CAPZB: variants seen among roughly 807,000 people sequenced by gnomAD.
CAPZB encodes the protein capping actin protein of muscle Z-line subunit beta.
In CAPZB, 2 loss-of-function variants were observed where a neutral mutation model predicts 38.1. That is an observed-to-expected ratio of 0.05 (90% CI 0.02 to 0.17). CAPZB has a LOEUF of 0.17. Ranked by LOEUF, CAPZB falls within the 10% of genes least tolerant of loss-of-function variation. The pLI is 1.00. For missense variants in CAPZB, 161 were observed against 334.2 expected, an observed-to-expected ratio of 0.48 and a Z score of 4.04; for synonymous variants, 107 against 127.4, an observed-to-expected ratio of 0.84 and a Z score of 1.08.
chr1:19,384,990 C>CA (rs1440973637), intron 3 of CAPZB, among the ~76,000 whole-genome samples: 1 of 152,124 alleles, frequency 6.6e-6, no homozygotes, highest in East Asian at 1.9e-4. Context: ...ATCAGACACC[C>CA]AGGGCAGGGA....
chr1:19,466,884 G>C (rs1309810168), intron 1 of CAPZB, among the ~76,000 whole-genome samples: 1 of 152,156 alleles, frequency 6.6e-6, no homozygotes, highest in East Asian at 1.9e-4. Flanking sequence ...AGATAGCGGT[G>C]TTAGGCTCAG....
At chr1:19,416,874 A>C (rs1179372153) in intron 2 of CAPZB, among the ~76,000 whole-genome samples, 1 of 149,562 alleles carries the variant, frequency 6.7e-6, no homozygotes, top group Non-Finnish European at 1.5e-5. Context: ...AAAAAAAAAA[A>C]AAAAAAAAAA....
intron 1 of CAPZB, among the ~76,000 whole-genome samples, chr1:19,440,491 G>A (rs200616647): frequency 1.1e-4 from 16 of 152,246 alleles, no homozygotes; most frequent in Admixed American, 6.5e-4. Context: ...TTTCCTCACC[G>A]TGAAAAGGTG....
chr1:19,426,409 C>A (rs1163600485), intron 1 of CAPZB, among the ~76,000 whole-genome samples: 1 of 150,850 alleles, frequency 6.6e-6, no homozygotes, highest in Non-Finnish European at 1.5e-5. Flanking sequence ...CCTCTTGCAG[C>A]GTGACTGTGA....
In CAPZB at chr1:19,356,897, T is replaced by C; in HGVS notation, c.472-146A>G. Reference sequence around the variant, plus strand: ...TTAAATTGGAGACAAAGTCTCGCTCTGTCACCCAGGCTGGAGTGCAGTGGT... The same window carrying C: ...TTAAATTGGAGACAAAGTCTCGCTCCGTCACCCAGGCTGGAGTGCAGTGGT... On this transcript the variant is annotated intron_variant, in intron 5 of 8. Coordinates refer to ENST00000264202, the MANE Select transcript of CAPZB (RefSeq NM_004930.5). The surrounding 1 kb of genome is among the most constrained non-coding windows in gnomAD (Gnocchi z 4.3). 1 of 638,650 alleles carries C rather than the reference T, an allele frequency of 1.6e-6. No individual in the cohort carries two copies. Among genetic ancestry groups the C allele is most frequent in the East Asian group, 2.7e-5 (1 of 37,048 alleles). The allele number at this position is 638,650 out of a possible 1,614,324, so 39.6% of individuals were successfully genotyped here.
chr1:19,348,573 C>A (rs1170190690), intron 6 of CAPZB, among the ~76,000 whole-genome samples: 1 of 151,988 alleles, frequency 6.6e-6, no homozygotes, highest in African/African-American at 2.4e-5. Context: ...CTGCTGTCTG[C>A]CAGGGGAACA....
At chr1:19,349,257 C>T (rs755493357) in intron 6 of CAPZB, among the ~76,000 whole-genome samples, 3 of 152,172 alleles carry the variant, frequency 2.0e-5, no homozygotes, top group Non-Finnish European at 4.4e-5. Context: ...ACTGTGTGTT[C>T]TCCCAGACGT....
chr1:19,419,585 G>A (rs2094393510), intron 2 of CAPZB, 76 bp downstream of exon 2: 2 of 826,592 alleles, frequency 2.4e-6, no homozygotes, highest in Non-Finnish European at 4.1e-6. Context: ...TGTGAATTCT[G>A]CATGGAAAAA....
chr1:19,391,980 A>C (rs1423474095), intron 2 of CAPZB, among the ~76,000 whole-genome samples: 1 of 152,168 alleles, frequency 6.6e-6, no homozygotes, highest in Non-Finnish European at 1.5e-5. Context: ...CAGGAGTTCA[A>C]GACCAGCCTG....
chr1:19,365,879 T>C (rs1482610952), intron 4 of CAPZB, among the ~76,000 whole-genome samples: 1 of 151,774 alleles, frequency 6.6e-6, no homozygotes, highest in Non-Finnish European at 1.5e-5. Flanking sequence ...CCCACAGCCT[T>C]GATGAGGCAG....
intron 2 of CAPZB, among the ~76,000 whole-genome samples, chr1:19,402,695 A>G (rs61766718): frequency 0.022 from 3,206 of 144,156 alleles, 100 homozygotes; most frequent in Admixed American, 0.087. Context: ...TTGCCTGCCA[A>G]GGGTGGGCCA....
rs184617847 is a variant in CAPZB at position 19,406,791 on chromosome 1, C to T, written c.93+12870G>A. ...CACACGATAGTCATCTCTTAAAACC[C>T]GGGAGAACAGCAGAGTATTTTGCGC... On this transcript the variant is annotated intron_variant, in intron 2 of 8. Coordinates refer to ENST00000264202, the MANE Select transcript of CAPZB (RefSeq NM_004930.5). 1.6e-4 allele frequency among the ~76,000 whole-genome samples: 25 copies of T among 152,222 alleles called. No individual in the cohort carries two copies. The South Asian group carries it at 2.7e-3, about 16-fold the overall frequency.
At chr1:19,360,165 G>T (rs570211767) in intron 4 of CAPZB, among the ~76,000 whole-genome samples, 1 of 152,298 alleles carries the variant, frequency 6.6e-6, no homozygotes, top group East Asian at 1.9e-4. Context: ...CTGGATTCTT[G>T]CAAGTTAACT....
At position 19,356,034 on chromosome 1, in the gene CAPZB, T is replaced by C. The variant is rs2094019326; in HGVS notation, c.588+601A>G. Reference sequence around the variant, plus strand: ...CATCGTGGAGAAGGGTTGCTAGTGATACCCAAACAAAAGATGGATAAGAGA... The same window carrying C: ...CATCGTGGAGAAGGGTTGCTAGTGACACCCAAACAAAAGATGGATAAGAGA... On this transcript the variant is annotated intron_variant, in intron 6 of 8. Coordinates refer to ENST00000264202, the MANE Select transcript of CAPZB (RefSeq NM_004930.5). This position sits in a 1 kb window ranked among gnomAD's most constrained non-coding sequence, Gnocchi z 4.3. Among the ~76,000 whole-genome samples, 1 of 152,144 alleles carries C rather than the reference T, an allele frequency of 6.6e-6. No homozygotes were observed. Among genetic ancestry groups the C allele is most frequent in the Non-Finnish European group, 1.5e-5 (1 of 68,030 alleles).
chr1:19,348,167 T>C (rs1433996415), intron 6 of CAPZB, among the ~76,000 whole-genome samples: 2 of 152,192 alleles, frequency 1.3e-5, no homozygotes, highest in African/African-American at 4.8e-5. Context: ...ACACTGCAGC[T>C]GCCAGTTTCC....
At chr1:19,460,966 A>G (rs1006403857) in intron 1 of CAPZB, among the ~76,000 whole-genome samples, 2 of 151,876 alleles carry the variant, frequency 1.3e-5, no homozygotes, top group African/African-American at 4.8e-5. Context: ...ACTGTTCAAA[A>G]CCAACCCAGG....
At chr1:19,394,313 C>G (rs960244260) in intron 2 of CAPZB, among the ~76,000 whole-genome samples, 5 of 152,238 alleles carry the variant, frequency 3.3e-5, no homozygotes, top group South Asian at 2.1e-4. Context: ...AGTGCAAGCA[C>G]AGCCTGCTTT....
chr1:19,388,948 T>C, intron 2 of CAPZB, among the ~76,000 whole-genome samples: 1 of 152,226 alleles, frequency 6.6e-6, no homozygotes. Context: ...CCTCTGGGAC[T>C]TGATATGGCC....
At chr1:19,413,506 T>C (rs935055273) in intron 2 of CAPZB, among the ~76,000 whole-genome samples, 1 of 152,148 alleles carries the variant, frequency 6.6e-6, no homozygotes, top group Non-Finnish European at 1.5e-5. Context: ...AAACATTTTT[T>C]AATTTTTAGT....
Sources: allele counts gnomAD v4.1 joint callset (sites outside exome capture counted in the v4.1 genomes callset), GRCh38; gene constraint gnomAD v4.1.1; non-coding constraint Gnocchi (gnomAD v3.1); transcripts MANE v1.5; gene names NCBI Gene and HGNC (gene_info 2026-07-23, HGNC 2026-07-21).